Variants in NKAIN2 observed in about 807,000 individuals in gnomAD.
NKAIN2 encodes sodium/potassium-transporting ATPase subunit beta-1-interacting protein 2.
NKAIN2 carries 14 observed loss-of-function variants against 32.6 expected under a neutral mutation model. The observed-to-expected ratio is 0.43, with a 90% CI of 0.28 to 0.67. The LOEUF is 0.67. Ranked by LOEUF, NKAIN2 falls within the 30% of genes least tolerant of loss-of-function variation. The probability of loss-of-function intolerance (pLI) is 0.17; values close to 1 mark genes in which losing one functional copy is unlikely to be tolerated. For synonymous variants in NKAIN2, 80 were observed against 87.2 expected (o/e 0.92, Z 0.46); for missense variants, 198 against 258.3 (o/e 0.77, Z 1.60).
At chr6:123,901,922 A>G (rs916426883) in intron 1 of NKAIN2, among the ~76,000 whole-genome samples, 1 of 152,166 alleles carries the variant, frequency 6.6e-6, no homozygotes, top group African/African-American at 2.4e-5. Context: ...AGACTTAAAA[A>G]AAAATGAGGC....
At chr6:124,162,009 A>G (rs1262107115) in intron 1 of NKAIN2, among the ~76,000 whole-genome samples, 1 of 152,212 alleles carries the variant, frequency 6.6e-6, no homozygotes, top group African/African-American at 2.4e-5. Flanking sequence ...TTGAAGTTTA[A>G]CAGGGATTGT....
At chr6:123,991,119 CAG>C (rs775686402) in intron 1 of NKAIN2, among the ~76,000 whole-genome samples, 20 of 152,108 alleles carry the variant, frequency 1.3e-4, no homozygotes, top group Admixed American at 2.6e-4. Flanking sequence ...GTAAGGAACG[CAG>C]AGTTTCTTTT....
chr6:123,895,245 ACAG>A (rs560084577), intron 1 of NKAIN2, among the ~76,000 whole-genome samples: 118 of 151,338 alleles, frequency 7.8e-4, no homozygotes, highest in East Asian at 1.4e-3. Flanking sequence ...ACACACAGCA[ACAG>A]CAGCAGCAGC....
chr6:124,718,211 C>T (rs1775847391), intron 4 of NKAIN2, among the ~76,000 whole-genome samples: 1 of 152,080 alleles, frequency 6.6e-6, no homozygotes, highest in Non-Finnish European at 1.5e-5. Flanking sequence ...AAGAGAAACC[C>T]TGTACCCATT....
At position 124,745,986 on chromosome 6, in the gene NKAIN2, T is replaced by C. The variant is rs377648305; in HGVS notation, c.475-45353T>C. On this transcript the variant is annotated intron_variant, in intron 4 of 6. Coordinates refer to ENST00000368417, the MANE Select transcript of NKAIN2 (RefSeq NM_001040214.3). Reference sequence around the variant, plus strand: ...TTCCAGTTTCAGGTATCAATGAGAATCAAAATGAAATGTAAACAGTATCAG... The same window carrying C: ...TTCCAGTTTCAGGTATCAATGAGAACCAAAATGAAATGTAAACAGTATCAG... Among the ~76,000 whole-genome samples the C allele has an allele frequency of 3.3e-5, 5 of 151,808 alleles. No individual in the cohort carries two copies. The East Asian group carries it at 5.8e-4, about 18-fold the overall frequency.
At chr6:124,777,383 T>C (rs1482164358) in intron 4 of NKAIN2, among the ~76,000 whole-genome samples, 2 of 152,152 alleles carry the variant, frequency 1.3e-5, no homozygotes, top group Non-Finnish European at 2.9e-5. Context: ...GAATCTCAGC[T>C]CCACTACCTA....
Position 124,540,822 on chromosome 6 carries a change from G to A in NKAIN2, c.274-117364G>A, listed in dbSNP as rs933322347. 5.9e-5 allele frequency among the ~76,000 whole-genome samples: 9 copies of A among 152,152 alleles called. No homozygotes were observed. In the South Asian group the frequency reaches 8.3e-4, roughly 14 times the overall value. On this transcript the variant is annotated intron_variant, in intron 3 of 6. Coordinates refer to ENST00000368417, the MANE Select transcript of NKAIN2 (RefSeq NM_001040214.3). ...TATTCAACACTTTATTATAAAATAG[G>A]CTTTGTGTTAGATGATTTTGCCCAA...
At chr6:124,042,925 C>T (rs1781940022) in intron 1 of NKAIN2, among the ~76,000 whole-genome samples, 1 of 151,800 alleles carries the variant, frequency 6.6e-6, no homozygotes, top group Non-Finnish European at 1.5e-5. Context: ...ATGGAAAAAG[C>T]CTGTGAATGA....
intron 1 of NKAIN2, among the ~76,000 whole-genome samples, chr6:124,087,837 A>G (rs1259879008): frequency 6.6e-6 from 1 of 151,928 alleles, no homozygotes; most frequent in Non-Finnish European, 1.5e-5. Context: ...CCTTTGGGGG[A>G]AAATGTGTTA....
intron 3 of NKAIN2, among the ~76,000 whole-genome samples, chr6:124,401,275 TC>T (rs945810003): frequency 6.6e-6 from 1 of 152,064 alleles, no homozygotes; most frequent in African/African-American, 2.4e-5. Context: ...AATGACATTT[TC>T]CCCCCAATTT....
intron 3 of NKAIN2, among the ~76,000 whole-genome samples, chr6:124,481,869 G>A (rs534592298): frequency 1.3e-5 from 2 of 152,114 alleles, no homozygotes; most frequent in African/African-American, 2.4e-5. Context: ...TTTGGCAGGC[G>A]AGGGGGAATA....
chr6:124,764,295 A>G (rs890431624), intron 4 of NKAIN2, among the ~76,000 whole-genome samples: 1 of 152,180 alleles, frequency 6.6e-6, no homozygotes, highest in Non-Finnish European at 1.5e-5. Context: ...AAAGTTTTTT[A>G]ATGCTTATCA....
chr6:124,287,883 C>A (rs1009239093), intron 2 of NKAIN2, among the ~76,000 whole-genome samples: 1 of 152,074 alleles, frequency 6.6e-6, no homozygotes, highest in African/African-American at 2.4e-5. Flanking sequence ...CCATTAAAGC[C>A]ATAGCAACTT....
At chr6:124,765,187 T>C (rs1778456332) in intron 4 of NKAIN2, among the ~76,000 whole-genome samples, 1 of 152,180 alleles carries the variant, frequency 6.6e-6, no homozygotes, top group Non-Finnish European at 1.5e-5. Context: ...AAATGACCTG[T>C]GAATAGAAAA....
rs527977599 is a variant in NKAIN2 at position 124,245,954 on chromosome 6, G to T, written c.55-37051G>T. On this transcript the variant is annotated intron_variant, in intron 1 of 6. Transcript: ENST00000368417. ...TTAACTATTGATAAAATATATATAAGCTTCTTAACAGAGTACCTGGTATAT... is the reference window on the plus strand; with the variant it reads ...TTAACTATTGATAAAATATATATAATCTTCTTAACAGAGTACCTGGTATAT... 2.0e-5 allele frequency among the ~76,000 whole-genome samples: 3 copies of T among 152,160 alleles called. No individual in the cohort carries two copies. The East Asian group carries it at 5.8e-4, about 29-fold the overall frequency.
intron 1 of NKAIN2, among the ~76,000 whole-genome samples, chr6:124,020,188 G>C (rs1562312191): frequency 6.6e-6 from 1 of 152,006 alleles, no homozygotes; most frequent in Non-Finnish European, 1.5e-5. Flanking sequence ...ATCTATGCTT[G>C]TTCTTTGTAT....
At chr6:123,922,582 G>C (rs1381633080) in intron 1 of NKAIN2, among the ~76,000 whole-genome samples, 3 of 152,034 alleles carry the variant, frequency 2.0e-5, no homozygotes, top group African/African-American at 7.2e-5. Context: ...GGTCAGTTTT[G>C]GGGTGGGGAA....
intron 4 of NKAIN2, among the ~76,000 whole-genome samples, chr6:124,754,217 A>G (rs1010468864): frequency 6.6e-6 from 1 of 152,080 alleles, no homozygotes. Flanking sequence ...GCTGGTATTT[A>G]TGGATGTAAA....
intron 2 of NKAIN2, among the ~76,000 whole-genome samples, chr6:124,292,446 T>C (rs967434974): frequency 2.6e-5 from 4 of 152,306 alleles, no homozygotes; most frequent in Non-Finnish European, 4.4e-5. Flanking sequence ...TTTGCCTTTT[T>C]GAACCAAAAG....
Sources: gnomAD v4.1 joint callset for allele counts (sites outside exome capture counted in the v4.1 genomes callset) on GRCh38, gnomAD v4.1.1 for gene constraint, MANE v1.5 for transcripts, NCBI Gene and HGNC (gene_info 2026-07-23, HGNC 2026-07-21) for gene names.